Variants in USH2A observed in about 807,000 individuals in gnomAD.
USH2A encodes the protein Usher syndrome 2A (autosomal recessive, mild).
A neutral mutation model predicts 538.9 loss-of-function variants in USH2A; 443 were observed. The ratio of observed to expected loss-of-function variants is 0.82; its 90% CI spans 0.76 to 0.89. The LOEUF is 0.89. Among genes scored for constraint, USH2A ranks in the 40% least tolerant of loss-of-function variants. USH2A has a pLI of 0.00. For synonymous variants in USH2A, 2,413 were observed against 2,273.5 expected, an observed-to-expected ratio of 1.06 and a Z score of -1.75; for missense variants, 6,633 against 6,324.8, an observed-to-expected ratio of 1.05 and a Z score of -1.65.
intron 32 of USH2A, among the ~76,000 whole-genome samples, chr1:216,018,345 C>A (rs1321072808): frequency 6.6e-6 from 1 of 152,162 alleles, no homozygotes; most frequent in African/African-American, 2.4e-5. Flanking sequence ...ACAGACCAAG[C>A]CATTGCTGCC....
rs111033275 is a variant in USH2A, at chr1:215,675,568, G to A, written c.12343C>T (p.Arg4115Cys). 851 of 1,614,040 alleles carry A rather than the reference G, an allele frequency of 5.3e-4. No homozygotes were observed. The highest frequency in any genetic ancestry group is 6.7e-4 in the Admixed American group (40 of 60,004). ...DGFLEYSGLN[R>C]QFLFRRLDPF... ...TCCAGGCGGCGGAAGAGAAACTGAC[G>A]ATTCAAACCAGAGTACTCCAGGAAC... Residue 4115 changes from arginine (R) to cysteine (C), a missense_variant, in exon 63 of 72, where the codon CGT becomes TGT. By Grantham distance (180) the Arg-to-Cys change is radical. Transcript: ENST00000307340.
chr1:215,855,748 A>G (rs867899172), intron 44 of USH2A, among the ~76,000 whole-genome samples: 1 of 152,180 alleles, frequency 6.6e-6, no homozygotes, highest in Non-Finnish European at 1.5e-5. Flanking sequence ...TGCTAAAAGG[A>G]CAAATCTGGA....
intron 37 of USH2A, among the ~76,000 whole-genome samples, chr1:215,940,363 G>A (rs1404665741): frequency 6.6e-6 from 1 of 152,054 alleles, no homozygotes; most frequent in Non-Finnish European, 1.5e-5. Context: ...AGCCTTTACT[G>A]TGAGCCAAGA....
At position 215,675,578 on chromosome 1, in the gene USH2A, A is replaced by G. The variant is rs1008218297; in HGVS notation, c.12333T>C (p.Ser4111=). The part of the protein sequence containing the change: ...NIFSDGFLEY[S]GLNRQFLFRR... ...GGAAGAGAAACTGACGATTCAAACC[A>G]GAGTACTCCAGGAACCCGTCACTGA... Residue 4111 remains serine (S), a synonymous_variant, in exon 63 of 72, where the codon TCT becomes TCC. Transcript: ENST00000307340. The G allele has an allele frequency of 3.7e-6, 6 of 1,613,998 alleles. No individual in the cohort carries two copies. In the African/African-American group the frequency reaches 6.7e-5, roughly 18 times the overall value.
chr1:216,030,175 T>C (rs1304356261), intron 32 of USH2A, among the ~76,000 whole-genome samples: 2 of 142,126 alleles, frequency 1.4e-5, no homozygotes, highest in Non-Finnish European at 3.0e-5. Flanking sequence ...ACATAACAGA[T>C]ATATAATATA....
intron 14 of USH2A, among the ~76,000 whole-genome samples, chr1:216,221,333 T>A (rs770890008): frequency 6.6e-6 from 1 of 152,116 alleles, no homozygotes; most frequent in Non-Finnish European, 1.5e-5. Context: ...ATTCGGTGAG[T>A]GCTACAGTGC....
chr1:216,233,250 C>G (rs1012052438), intron 13 of USH2A, among the ~76,000 whole-genome samples: 10 of 152,074 alleles, frequency 6.6e-5, no homozygotes, highest in Non-Finnish European at 1.5e-5. Flanking sequence ...TGTTCCTCTT[C>G]TTGAGACCTA....
chr1:216,062,921 C>T (rs530632064), intron 30 of USH2A, among the ~76,000 whole-genome samples: 1 of 152,240 alleles, frequency 6.6e-6, no homozygotes, highest in Admixed American at 6.5e-5. Flanking sequence ...AATAAAACAG[C>T]ACATTTTCTG....
intron 58 of USH2A, among the ~76,000 whole-genome samples, chr1:215,750,394 G>A (rs116394721): frequency 1.4e-3 from 209 of 152,040 alleles, no homozygotes; most frequent in Non-Finnish European, 2.4e-3. Flanking sequence ...TAACTTTTAG[G>A]GTGTCCAGCA....
chr1:216,349,820 C>T (rs751949950), intron 4 of USH2A, among the ~76,000 whole-genome samples: 1 of 152,170 alleles, frequency 6.6e-6, no homozygotes, highest in Admixed American at 6.6e-5. Flanking sequence ...TATTCCTTTA[C>T]TGTCTTAATA....
chr1:216,241,402 A>C (rs1001794210), intron 13 of USH2A, among the ~76,000 whole-genome samples: 1 of 152,198 alleles, frequency 6.6e-6, no homozygotes, highest in African/African-American at 2.4e-5. Context: ...ATTTTGATTA[A>C]AACTCAAATT....
chr1:216,229,855 T>C (rs887983902), intron 14 of USH2A, among the ~76,000 whole-genome samples: 2 of 151,980 alleles, frequency 1.3e-5, no homozygotes, highest in African/African-American at 4.8e-5. Flanking sequence ...GATGGGTAGA[T>C]AATGGGAGAG....
chr1:216,180,228 G>A (rs1014912423), intron 20 of USH2A, among the ~76,000 whole-genome samples: 3 of 151,794 alleles, frequency 2.0e-5, no homozygotes, highest in Admixed American at 1.3e-4. Flanking sequence ...AGTTTAAAAC[G>A]AATCTTCAAT....
rs536625686 is a variant in USH2A at position 215,676,764 on chromosome 1, C to T, written c.12295-1148G>A. Among the ~76,000 whole-genome samples, 5 of 147,670 alleles carry T rather than the reference C, an allele frequency of 3.4e-5. No individual in the cohort carries two copies. In the East Asian group the frequency reaches 7.3e-4, roughly 22 times the overall value. ...AAGGGAGCATAGGTTCCATAACTAG[C>T]TTGCAGCCTCTGTGACCCCCCAAGC... is the stretch of plus-strand genomic sequence containing the variant. On this transcript the variant is annotated intron_variant, in intron 62 of 71. Transcript: ENST00000307340.
chr1:216,315,342 G>A (rs116693143), intron 9 of USH2A, among the ~76,000 whole-genome samples: 4 of 152,234 alleles, frequency 2.6e-5, no homozygotes, highest in African/African-American at 9.6e-5. Flanking sequence ...AAAAGCCTAT[G>A]TACGAAAATA....
chr1:216,200,559 T>G (rs1239452504), intron 16 of USH2A, among the ~76,000 whole-genome samples: 1 of 152,184 alleles, frequency 6.6e-6, no homozygotes, highest in Non-Finnish European at 1.5e-5. Flanking sequence ...AATGGAAAAT[T>G]TTCTTATTTT....
At chr1:215,697,607 C>T (rs1171160997) in intron 61 of USH2A, among the ~76,000 whole-genome samples, 5 of 152,044 alleles carry the variant, frequency 3.3e-5, no homozygotes, top group Admixed American at 2.0e-4. Flanking sequence ...CTGCAATCTC[C>T]GCCTCCCGGG....
Position 215,766,763 on chromosome 1 carries a change from G to C in USH2A, c.10965C>G (p.Ser3655Arg). Residue 3655 changes from serine to arginine, a missense_variant, in exon 56 of 72, where the codon AGC becomes AGG. Ser to Arg is a moderately radical substitution (Grantham distance 110, BLOSUM62 -1). Coordinates refer to ENST00000307340, the MANE Select transcript of USH2A (RefSeq NM_206933.4). ...VTGLQPYTNY[S>R]FTLTACTSAG... ...CAGATGTACAAGCTGTAAGAGTGAA[G>C]CTGTAGTTGGTGTATGGCTGGAGAC... 6.2e-7 allele frequency: 1 copy of C among 1,613,628 alleles called. No individual in the cohort carries two copies. The highest frequency in any genetic ancestry group is 1.1e-5 in the South Asian group (1 of 91,080).
At chr1:216,313,690 C>T (rs969682659) in intron 9 of USH2A, among the ~76,000 whole-genome samples, 1 of 152,052 alleles carries the variant, frequency 6.6e-6, no homozygotes, top group Non-Finnish European at 1.5e-5. Flanking sequence ...TCGAAAAATT[C>T]TTTTATTGAG....
Sources: gnomAD v4.1 joint callset for allele counts (sites outside exome capture counted in the v4.1 genomes callset) on GRCh38, gnomAD v4.1.1 for gene constraint, MANE v1.5 for transcripts, NCBI Gene and HGNC (gene_info 2026-07-23, HGNC 2026-07-21) for gene names.